CACNA2D2: variants seen among roughly 807,000 people sequenced by gnomAD.
The protein encoded by CACNA2D2 is calcium voltage-gated channel auxiliary subunit alpha2delta 2.
CACNA2D2 carries 48 observed loss-of-function variants against 166.4 expected under a neutral mutation model. The ratio of observed to expected loss-of-function variants is 0.29; its 90% CI spans 0.23 to 0.37. The LOEUF (loss-of-function observed/expected upper bound fraction) is 0.37. Ranked by LOEUF, CACNA2D2 falls within the 10% of genes least tolerant of loss-of-function variation. The pLI, the probability that CACNA2D2 is intolerant of heterozygous loss-of-function variation, is 1.00. For missense variants in CACNA2D2, 1,122 were observed against 1,433.0 expected, an observed-to-expected ratio of 0.78 and a Z score of 3.50; for synonymous variants, 561 against 573.7, an observed-to-expected ratio of 0.98 and a Z score of 0.32.
intron 3 of CACNA2D2, 36 bp from the exon 4 acceptor site, chr3:50,394,204 G>A (rs763712202): frequency 1.4e-5 from 22 of 1,591,984 alleles, no homozygotes; most frequent in Non-Finnish European, 1.7e-5. Flanking sequence ...AGAAGCGGAG[G>A]AAGGCAGCCT....
rs567226200 is a variant in CACNA2D2, at chr3:50,436,133, C to T, written c.289-1704G>A. Among the ~76,000 whole-genome samples, 56 of 152,180 alleles carry T rather than the reference C, an allele frequency of 3.7e-4. No individual in the cohort carries two copies. The South Asian group carries it at 3.7e-3, about 10-fold the overall frequency. ...AGGCCAGGCGATTGAGTGGCAAAGC[C>T]AGATCCCCCATCAGCTTTCACCCAT... On this transcript the variant is annotated intron_variant, in intron 2 of 37. Transcript: ENST00000424201.
intron 1 of CACNA2D2, among the ~76,000 whole-genome samples, chr3:50,486,127 G>A (rs1188432332): frequency 6.6e-6 from 1 of 152,214 alleles, no homozygotes; most frequent in African/African-American, 2.4e-5. Context: ...CTCAGGAGGT[G>A]AACACTGCTG....
chr3:50,484,044 T>C (rs1698171519), intron 1 of CACNA2D2, among the ~76,000 whole-genome samples: 1 of 152,058 alleles, frequency 6.6e-6, no homozygotes, highest in African/African-American at 2.4e-5. Flanking sequence ...CCTCTCAAAC[T>C]GAAAGTGTCC....
intron 2 of CACNA2D2, among the ~76,000 whole-genome samples, chr3:50,463,167 G>C (rs1709669893): frequency 6.6e-6 from 1 of 152,156 alleles, no homozygotes; most frequent in African/African-American, 2.4e-5. Context: ...CCCTGGTCAG[G>C]GGTCCCACCC....
At chr3:50,381,709 G>A (rs773721140) in intron 6 of CACNA2D2, among the ~76,000 whole-genome samples, 5 of 152,022 alleles carry the variant, frequency 3.3e-5, no homozygotes, top group Non-Finnish European at 5.9e-5. Context: ...ACAGGCAAGT[G>A]TACTTGTACA....
At chr3:50,477,432 A>C (rs7629115) in intron 1 of CACNA2D2, among the ~76,000 whole-genome samples, 3 of 152,194 alleles carry the variant, frequency 2.0e-5, no homozygotes, top group South Asian at 2.1e-4. Context: ...ACCTGGAAGA[A>C]GGAAGGAGTC....
At chr3:50,453,952 C>A (rs1365882097) in intron 2 of CACNA2D2, among the ~76,000 whole-genome samples, 1 of 152,154 alleles carries the variant, frequency 6.6e-6, no homozygotes, top group Non-Finnish European at 1.5e-5. Flanking sequence ...CCGGGTCCTG[C>A]ATCTGTTCTG....
intron 4 of CACNA2D2, 66 bp downstream of exon 4, chr3:50,394,043 C>T (rs906070694): frequency 2.0e-6 from 3 of 1,465,140 alleles, no homozygotes; most frequent in Admixed American, 1.7e-5. Flanking sequence ...CTCCCACCCC[C>T]CAGCATTCAA....
At chr3:50,364,857 G>C in intron 37 of CACNA2D2, 31 bp downstream of exon 37, 1 of 1,613,250 alleles carries the variant, frequency 6.2e-7, no homozygotes. Context: ...CAAGGCCGCG[G>C]GATTTCGGGT....
At chr3:50,475,914 C>T (rs376273349) in intron 2 of CACNA2D2, among the ~76,000 whole-genome samples, 2 of 152,218 alleles carry the variant, frequency 1.3e-5, no homozygotes, top group Non-Finnish European at 2.9e-5. Context: ...GTGGTGGCTC[C>T]GATCGTTGCC....
intron 3 of CACNA2D2, among the ~76,000 whole-genome samples, chr3:50,412,544 C>CAA (rs59794149): frequency 0.095 from 14,399 of 150,954 alleles, 1,983 homozygotes; most frequent in African/African-American, 0.31. Context: ...CATGGGCACT[C>CAA]AACAGCCCTA....
chr3:50,428,828 C>T lies in CACNA2D2; in HGVS notation c.405+5485G>A, dbSNP rs567187249. Among the ~76,000 whole-genome samples the T allele has an allele frequency of 7.9e-5, 12 of 152,342 alleles. No individual in the cohort carries two copies. In the South Asian group the frequency reaches 2.5e-3, roughly 32 times the overall value. ...TGTCCCATCTCCTATTCCCTTGACCCTGTCCCACTCTGGACAGCAAACACC... is the reference window on the plus strand; with the variant it reads ...TGTCCCATCTCCTATTCCCTTGACCTTGTCCCACTCTGGACAGCAAACACC... On this transcript the variant is annotated intron_variant, in intron 3 of 37. Coordinates refer to ENST00000424201, the MANE Select transcript of CACNA2D2 (RefSeq NM_006030.4).
At position 50,379,594 on chromosome 3, in the gene CACNA2D2, C is replaced by A. The variant is rs587595554; in HGVS notation, c.994-4G>T. 6.2e-7 allele frequency: 1 copy of A among 1,613,830 alleles called. No homozygotes were observed. Among genetic ancestry groups the A allele is most frequent in the Non-Finnish European group, 8.5e-7 (1 of 1,180,012 alleles). Reference sequence around the variant, plus strand: ...CAGGCTGTGCCTTCTCGTTGAACTGCAGGAACAGTAGGGTGGTGAGTGGCC... The same window carrying A: ...CAGGCTGTGCCTTCTCGTTGAACTGAAGGAACAGTAGGGTGGTGAGTGGCC... On this transcript the variant is annotated splice_polypyrimidine_tract_variant and splice_region_variant and intron_variant, in intron 10 of 37. Coordinates refer to ENST00000424201, the MANE Select transcript of CACNA2D2 (RefSeq NM_006030.4). The surrounding 1 kb of genome is among the most constrained non-coding windows in gnomAD (Gnocchi z 6.5).
intron 1 of CACNA2D2, among the ~76,000 whole-genome samples, chr3:50,502,096 A>AGGTTTTGTGGCC (rs1698991153): frequency 6.6e-6 from 1 of 152,080 alleles, no homozygotes; most frequent in Non-Finnish European, 1.5e-5. Context: ...GTTTTGTGGC[A>AGGTTTTGTGGCC]GAACCAGGGG....
intron 1 of CACNA2D2, among the ~76,000 whole-genome samples, chr3:50,498,608 T>C (rs557789549): frequency 2.0e-5 from 3 of 151,606 alleles, no homozygotes; most frequent in Admixed American, 6.6e-5. Flanking sequence ...ACGTGGGAGG[T>C]AGATGGAGGT....
At chr3:50,489,308 T>C (rs758758616) in intron 1 of CACNA2D2, among the ~76,000 whole-genome samples, 1 of 152,198 alleles carries the variant, frequency 6.6e-6, no homozygotes, top group Non-Finnish European at 1.5e-5. Context: ...TTCTTCATTG[T>C]AGAGTAATGG....
At chr3:50,493,140 C>A (rs1316779436) in intron 1 of CACNA2D2, among the ~76,000 whole-genome samples, 1 of 152,224 alleles carries the variant, frequency 6.6e-6, no homozygotes, top group East Asian at 1.9e-4. Flanking sequence ...AACTCCCACC[C>A]TCAAGCCTCT....
Position 50,499,090 on chromosome 3 carries a change from G to C in CACNA2D2, c.206+4128C>G, listed in dbSNP as rs149439419. ...CACCACAGTCAAGCTGTGTTGCAGG[G>C]AGTGAGGGAGGGAGGTGGCCCAATG... On this transcript the variant is annotated intron_variant, in intron 1 of 37. Transcript: ENST00000424201. Among the ~76,000 whole-genome samples, 266 of 152,342 alleles carry C rather than the reference G, an allele frequency of 1.7e-3. 1 individual carries two copies. Among genetic ancestry groups the C allele is most frequent in the African/African-American group, 6.1e-3 (252 of 41,576 alleles).
intron 4 of CACNA2D2, among the ~76,000 whole-genome samples, chr3:50,391,001 C>T (rs975334336): frequency 6.6e-6 from 1 of 152,222 alleles, no homozygotes; most frequent in Admixed American, 6.5e-5. Context: ...CTCAGCCTGG[C>T]CAAGAGGACT....
Sources: allele counts gnomAD v4.1 joint callset (sites outside exome capture counted in the v4.1 genomes callset), GRCh38; gene constraint gnomAD v4.1.1; non-coding constraint Gnocchi (gnomAD v3.1); transcripts MANE v1.5; gene names NCBI Gene and HGNC (gene_info 2026-07-23, HGNC 2026-07-21).